The following COQ6 variants were observed in gnomAD, a reference collection of about 807,000 sequenced individuals.
COQ6 encodes the protein coenzyme Q6, monooxygenase, also known as ubiquinone biosynthesis monooxygenase COQ6, mitochondrial.
In COQ6, 45 loss-of-function variants were observed where a neutral mutation model predicts 55.5. The ratio of observed to expected loss-of-function variants is 0.81; its 90% CI spans 0.64 to 1.04. The LOEUF (loss-of-function observed/expected upper bound fraction) is 1.04. COQ6 is among the 50% of genes least tolerant of loss of function. The pLI is 0.00. For missense variants in COQ6, 550 were observed against 601.3 expected, an observed-to-expected ratio of 0.91 and a Z score of 0.89; for synonymous variants, 206 against 230.5, an observed-to-expected ratio of 0.89 and a Z score of 0.96.
At chr14:73,952,271 C>T (rs111376743) in intron 1 of COQ6, among the ~76,000 whole-genome samples, 3 of 151,524 alleles carry the variant, frequency 2.0e-5, no homozygotes, top group South Asian at 2.1e-4. Context: ...CACAGGCGCC[C>T]GCCATCACAC....
Position 73,961,384 on chromosome 14 carries a change from A to G in COQ6, c.1094+9A>G, listed in dbSNP as rs375153689. 1.4e-5 allele frequency: 22 copies of G among 1,614,038 alleles called. No homozygotes were observed. The African/African-American group carries it at 1.6e-4, about 12-fold the overall frequency. On this transcript the variant is annotated intron_variant, in intron 9 of 11. Coordinates refer to ENST00000334571, the MANE Select transcript of COQ6 (RefSeq NM_182476.3). ...CGGGTGGCGCTCATTGGGTAAGACG[A>G]TAACAGAGCAGGGCCACTCCCTTCT...
At position 73,959,497 on chromosome 14, in the gene COQ6, T is replaced by C. The variant is rs747865554; in HGVS notation, c.866T>C (p.Phe289Ser). 1.2e-6 allele frequency: 2 copies of C among 1,614,166 alleles called. No homozygotes were observed. Among genetic ancestry groups the C allele is most frequent in the Non-Finnish European group, 1.7e-6 (2 of 1,180,038 alleles). The change falls in exon 8 of 12, where the codon TTT becomes TCT. Residue 289 changes from phenylalanine (F) to serine (S), a missense_variant. Transcript: ENST00000334571. ...AELVSMDEEK[F>S]VDAVNSAFWS... ...CTAGTTAGCATGGATGAGGAAAAAT[T>C]TGTGGATGCCGTTAACTCTGCCTTT...
chr14:73,955,525 T>C lies in COQ6; in HGVS notation c.357+16T>C. 3 of 1,611,890 alleles carry C rather than the reference T, an allele frequency of 1.9e-6. No homozygotes were observed. The highest frequency in any genetic ancestry group is 1.7e-4 in the Middle Eastern group (1 of 6,060). ...GCGAATGCAGGTGCCCCTTTATCTT[T>C]TCAATTTTGTCAAGATGTCTTGGTC... On this transcript the variant is annotated intron_variant, in intron 3 of 11. Transcript: ENST00000334571.
Position 73,959,153 on chromosome 14 carries a change from C to T in COQ6, c.721-9C>T. On this transcript the variant is annotated splice_polypyrimidine_tract_variant and intron_variant, in intron 6 of 11. Coordinates refer to ENST00000334571, the MANE Select transcript of COQ6 (RefSeq NM_182476.3). ...CTTCACAGAGAAACTTTTCTCCTCT[C>T]TGTTGCAGGCCACAGAAAACAACGT... is the stretch of plus-strand genomic sequence containing the variant. The T allele has an allele frequency of 1.2e-6, 2 of 1,614,212 alleles. No individual in the cohort carries two copies. The highest frequency in any genetic ancestry group is 1.7e-6 in the Non-Finnish European group (2 of 1,180,034).
chr14:73,962,519 ATT>A (rs1310920343), intron 11 of COQ6, among the ~76,000 whole-genome samples: 4 of 151,802 alleles, frequency 2.6e-5, no homozygotes, highest in Non-Finnish European at 5.9e-5. Context: ...TGATCACATC[ATT>A]GTTACTCAGA....
chr14:73,955,901 C>G lies in COQ6; in HGVS notation c.454C>G (p.Leu152Val). ...IVENDVIMHA[L>V]TKQLEAVSDR... ...GGAGAATGATGTCATCATGCATGCT[C>G]TCACTAAGCAGTTGGAGGCTGTGTC... The change falls in exon 4 of 12, where the codon CTC becomes GTC. Residue 152 changes from leucine to valine, a missense_variant. Transcript: ENST00000334571. The G allele has an allele frequency of 1.9e-6, 3 of 1,614,116 alleles. No individual in the cohort carries two copies. Among genetic ancestry groups the G allele is most frequent in the Admixed American group, 3.3e-5 (2 of 60,012 alleles).
chr14:73,952,087 G>A (rs1043886140), intron 1 of COQ6, among the ~76,000 whole-genome samples: 2 of 145,378 alleles, frequency 1.4e-5, no homozygotes, highest in Non-Finnish European at 3.0e-5. Context: ...AAGATGGACC[G>A]CTCACTGTCT....
rs867275333 is a variant in COQ6, at chr14:73,956,071, T to C, written c.481+143T>C. The stretch of plus-strand genomic sequence containing the variant: ...CGGGTGCGGTGGCTCACGCCTGTAA[T>C]CCCAGCACTTTTGGAGGCTAAGGCG... On this transcript the variant is annotated intron_variant, in intron 4 of 11. Coordinates refer to ENST00000334571, the MANE Select transcript of COQ6 (RefSeq NM_182476.3). 22 of 1,211,254 alleles carry C rather than the reference T, an allele frequency of 1.8e-5. No individual in the cohort carries two copies. The African/African-American group carries it at 2.4e-4, about 13-fold the overall frequency. 75.0% of individuals were successfully genotyped at this position (1,211,254 alleles called of 1,614,324 possible).
In COQ6 at chr14:73,958,164, T is replaced by C. The variant is rs768501175; in HGVS notation, c.499T>C (p.Tyr167His). ...EAVSDRVTVL[Y>H]RSKAIRYTWP... ...CTCCCCAGACCGAGTGACGGTTCTC[T>C]ACAGGAGCAAAGCCATTCGCTATAC... Residue 167 changes from tyrosine (Y) to histidine (H), a missense_variant, in exon 5 of 12, where the codon TAC becomes CAC. Physicochemically the swap from Tyr to His is moderately conservative, Grantham distance 83 (BLOSUM62 2). Transcript: ENST00000334571. 2 of 1,614,000 alleles carry C rather than the reference T, an allele frequency of 1.2e-6. No individual in the cohort carries two copies. The highest frequency in any genetic ancestry group is 2.7e-5 in the African/African-American group (2 of 74,922).
chr14:73,950,497 T>C lies in COQ6; in HGVS notation c.163+2T>C. On this transcript the variant is annotated splice_donor_variant, in intron 1 of 11. Transcript: ENST00000334571. LOFTEE classifies it high-confidence loss of function. The stretch of plus-strand genomic sequence containing the variant: ...GCGCTGCCATGGCCTGTGCCTTGGG[T>C]AAGCCCTTCTCCAGGCTACTAGTGG... 1 of 1,603,654 alleles carries C rather than the reference T, an allele frequency of 6.2e-7. No homozygotes were observed. Among genetic ancestry groups the C allele is most frequent in the Non-Finnish European group, 8.5e-7 (1 of 1,175,744 alleles).
chr14:73,962,983 C>T lies in COQ6; in HGVS notation c.1391C>T (p.Ala464Val), dbSNP rs755660869. ...AVSPLKEQIM[A>V]FASK ...TTTTTTCTCCAGGAACAGATTATGGCCTTTGCAAGCAAATGAGTACTCCTC... is the reference window on the plus strand; with the variant it reads ...TTTTTTCTCCAGGAACAGATTATGGTCTTTGCAAGCAAATGAGTACTCCTC... The change falls in exon 12 of 12, where the codon GCC becomes GTC. Residue 464 changes from alanine (A) to valine (V), a missense_variant. By Grantham distance (64) the Ala-to-Val change is moderately conservative. Transcript: ENST00000334571. 8 of 1,609,608 alleles carry T rather than the reference C, an allele frequency of 5.0e-6. No homozygotes were observed. In the South Asian group the frequency reaches 8.8e-5, roughly 18 times the overall value.
At chr14:73,951,415 C>T (rs1295120392) in intron 1 of COQ6, among the ~76,000 whole-genome samples, 1 of 151,978 alleles carries the variant, frequency 6.6e-6, no homozygotes, top group South Asian at 2.1e-4. Flanking sequence ...GCTCTTGTTG[C>T]CCAGGATGGA....
chr14:73,954,565 C>T (rs565953781), intron 2 of COQ6, among the ~76,000 whole-genome samples: 249 of 152,120 alleles, frequency 1.6e-3, no homozygotes, highest in African/African-American at 5.7e-3. Flanking sequence ...GATTTGGGGC[C>T]GGGTGCGGTG....
chr14:73,960,416 A>G, intron 8 of COQ6: 1 of 988,240 alleles, frequency 1.0e-6, no homozygotes, highest in Non-Finnish European at 1.2e-6. Context: ...TGGAGCCTAA[A>G]TGACACTCAA....
intron 11 of COQ6, among the ~76,000 whole-genome samples, chr14:73,962,360 C>T (rs550575621): frequency 3.0e-4 from 45 of 152,080 alleles, no homozygotes; most frequent in Non-Finnish European, 2.9e-4. Flanking sequence ...TTAGGTGTTA[C>T]GGCCCACATC....
In COQ6 at chr14:73,958,131, CT is replaced by C. The variant is rs1337348156; in HGVS notation, c.482-12del. 2 of 1,612,172 alleles carry C rather than the reference CT, an allele frequency of 1.2e-6. No homozygotes were observed. Among genetic ancestry groups the C allele is most frequent in the African/African-American group, 1.3e-5 (1 of 74,850 alleles). On this transcript the variant is annotated splice_polypyrimidine_tract_variant and intron_variant, in intron 4 of 11. Coordinates refer to ENST00000334571, the MANE Select transcript of COQ6 (RefSeq NM_182476.3). ...CCACCTTTCTAATTTTTTTTCCTCT[CT>C]TTTGACCTCCCCAGACCGAGTGACG...
At position 73,961,309 on chromosome 14, in the gene COQ6, G is replaced by A. The variant is rs199913054; in HGVS notation, c.1028G>A (p.Arg343Gln). 4.3e-6 allele frequency: 7 copies of A among 1,614,174 alleles called. No individual in the cohort carries two copies. The highest frequency in any genetic ancestry group is 2.7e-5 in the African/African-American group (2 of 75,036). The stretch of plus-strand genomic sequence containing the variant: ...GTAGCCAGGGTGGATGCCAAAAGCC[G>A]AGTTCTGTTTCCTCTTGGGTTGGGA... ...PSVARVDAKS[R>Q]VLFPLGLGHA... is the part of the protein sequence containing the mutation. The change falls in exon 9 of 12, where the codon CGA becomes CAA. Residue 343 changes from arginine (R) to glutamine (Q), a missense_variant. Physicochemically the swap from Arg to Gln is conservative, Grantham distance 43 (BLOSUM62 1). Transcript: ENST00000334571.
chr14:73,962,823 G>T, intron 11 of COQ6, 147 bp from the exon 12 acceptor site: 1 of 672,282 alleles, frequency 1.5e-6, no homozygotes, highest in East Asian at 2.7e-5. Context: ...TCTCTAAAAC[G>T]TGTGTATATG....
chr14:73,950,184 C>G (rs773309769), upstream of COQ6: 6 of 1,563,078 alleles, frequency 3.8e-6, no homozygotes, highest in African/African-American at 8.1e-5. Flanking sequence ...AGGCAAGGTT[C>G]GTTTTCCGAT....
Sources: gnomAD v4.1 joint callset for allele counts (sites outside exome capture counted in the v4.1 genomes callset) on GRCh38, gnomAD v4.1.1 for gene constraint, MANE v1.5 for transcripts, NCBI Gene and HGNC (gene_info 2026-07-23, HGNC 2026-07-21) for gene names.